Variants in GPI observed in about 807,000 individuals in gnomAD.
GPI encodes the protein D-hexose-6-phosphate anomerase.
In GPI, 56 loss-of-function variants were observed where a neutral mutation model predicts 75.8. That is an observed-to-expected ratio of 0.74 (90% CI 0.60 to 0.92). The LOEUF (loss-of-function observed/expected upper bound fraction) is 0.92, where lower values mean the gene tolerates loss of function less well. GPI is among the 40% of genes least tolerant of loss of function. The pLI, the probability that GPI is intolerant of heterozygous loss-of-function variation, is 0.00. For synonymous variants in GPI, 288 were observed against 285.4 expected (o/e 1.01, Z -0.09); for missense variants, 638 against 741.0 (o/e 0.86, Z 1.61).
intron 15 of GPI, 97 bp from the exon 16 acceptor site, chr19:34,399,459 G>C: frequency 6.4e-7 from 1 of 1,560,766 alleles, no homozygotes; most frequent in Non-Finnish European, 8.8e-7. Flanking sequence ...TGTCCTCACA[G>C]ACCTGCACGT....
chr19:34,390,747 A>G (rs891027402), intron 9 of GPI, among the ~76,000 whole-genome samples: 3 of 146,478 alleles, frequency 2.0e-5, no homozygotes, highest in African/African-American at 7.7e-5. Flanking sequence ...TTGAGGAGGT[A>G]GCATCTGGCA....
chr19:34,386,904 A>G (rs2074743573), intron 9 of GPI, among the ~76,000 whole-genome samples: 1 of 152,150 alleles, frequency 6.6e-6, no homozygotes, highest in South Asian at 2.1e-4. Flanking sequence ...GTAGGCAGAG[A>G]TGTTCCATTT....
chr19:34,378,945 C>G lies in GPI; in HGVS notation c.645C>G (p.Thr215=). 1 of 1,614,124 alleles carries G rather than the reference C, an allele frequency of 6.2e-7. No homozygotes were observed. The highest frequency in any genetic ancestry group is 8.5e-7 in the Non-Finnish European group (1 of 1,179,956). Residue 215 remains threonine, a synonymous_variant, in exon 7 of 18, where the codon ACC becomes ACG. Coordinates refer to ENST00000356487, the MANE Select transcript of GPI (RefSeq NM_000175.5). ...LFIIASKTFT[T]QETITNAETA... The stretch of plus-strand genomic sequence containing the variant: ...CTCTTTGGTTGCAGACCTTTACTAC[C>G]CAGGAGACCATCACGAATGCAGAGA...
At chr19:34,367,481 A>C (rs1393239288) in intron 3 of GPI, among the ~76,000 whole-genome samples, 1 of 152,220 alleles carries the variant, frequency 6.6e-6, no homozygotes, top group East Asian at 1.9e-4. Flanking sequence ...GAGAGGATGC[A>C]ATCAAGGAAG....
At chr19:34,399,029 A>C in intron 14 of GPI, 178 bp from the exon 15 acceptor site, 1 of 554,324 alleles carries the variant, frequency 1.8e-6, no homozygotes. Context: ...CTTAAAGAGC[A>C]GTTATCACTG....
intron 4 of GPI, among the ~76,000 whole-genome samples, chr19:34,372,479 C>T (rs1205161002): frequency 6.6e-6 from 1 of 151,958 alleles, no homozygotes; most frequent in East Asian, 1.9e-4. Context: ...CTGCCTTTAA[C>T]AAAAATTTAA....
chr19:34,363,513 T>G (rs1179896241), upstream of GPI: 1 of 151,538 alleles, frequency 6.6e-6, no homozygotes, highest in East Asian at 2.0e-4. Flanking sequence ...AAACCCTGAT[T>G]GGAGTGTTTC....
In GPI at chr19:34,399,858, G is replaced by T. The variant is rs376661944; in HGVS notation, c.1542-43G>T. 25 of 1,613,670 alleles carry T rather than the reference G, an allele frequency of 1.5e-5. 1 individual carries two copies. In the African/African-American group the frequency reaches 2.9e-4, roughly 19 times the overall value. ...CAGGGATTTCAGTAGCAACGTTAGA[G>T]CCTTCCTCATACCACTCTTCCCTTC... On this transcript the variant is annotated intron_variant, in intron 17 of 17. Coordinates refer to ENST00000356487, the MANE Select transcript of GPI (RefSeq NM_000175.5).
rs558738030 is a variant in GPI at position 34,400,219 on chromosome 19, A to G, written c.*183A>G. The G allele has an allele frequency of 8.1e-5, 55 of 677,806 alleles. No individual in the cohort carries two copies. Among genetic ancestry groups the G allele is most frequent in the Admixed American group, 3.1e-4 (14 of 45,458 alleles). 42.0% of individuals were successfully genotyped at this position (677,806 alleles called of 1,614,324 possible). On this transcript the variant is annotated 3_prime_UTR_variant, in exon 18 of 18. Transcript: ENST00000356487. ...CCTAACCCCCAGCCCCTCCATGTCT[A>G]TGCTCCCTCTGTGTTAGAATTGGCT... is the stretch of plus-strand genomic sequence containing the variant.
At chr19:34,368,918 C>A in intron 4 of GPI, 3 of 628,572 alleles carry the variant, frequency 4.8e-6, no homozygotes, top group Non-Finnish European at 8.5e-6. Flanking sequence ...CTGCTGCTGG[C>A]AGAAGTGGGG....
At chr19:34,365,653 CCCT>C (rs1339563617) in intron 1 of GPI, 7 of 629,380 alleles carry the variant, frequency 1.1e-5, no homozygotes, top group African/African-American at 7.2e-5. Context: ...GGGACATTTC[CCCT>C]CCTCCTCCCC....
At chr19:34,398,641 CCTT>C (rs2074978035) in intron 14 of GPI, 1 of 152,748 alleles carries the variant, frequency 6.5e-6, no homozygotes, top group African/African-American at 2.4e-5. Context: ...CGCCCAGCTA[CCTT>C]CTTAGGATCT....
At chr19:34,377,301 C>CAAAAAAAAA (rs1169701523) in intron 4 of GPI, among the ~76,000 whole-genome samples, 3 of 15,468 alleles carry the variant, frequency 1.9e-4, no homozygotes, top group African/African-American at 3.4e-4. Flanking sequence ...GGCTTCATCT[C>CAAAAAAAAA]AAAAAAAAAA....
chr19:34,370,739 A>G (rs2074439130), intron 4 of GPI, among the ~76,000 whole-genome samples: 1 of 151,382 alleles, frequency 6.6e-6, no homozygotes, highest in Non-Finnish European at 1.5e-5. Flanking sequence ...AAAAAAAACC[A>G]ACAAAAAAAC....
At position 34,399,197 on chromosome 19, in the gene GPI, C is replaced by T. The variant is rs768192558; in HGVS notation, c.1270-10C>T. On this transcript the variant is annotated splice_polypyrimidine_tract_variant and intron_variant, in intron 14 of 17. Transcript: ENST00000356487. ...GTGCTCTCAAGCATAACTGATGTCT[C>T]GCTCATCAGATCCTCCTGGCCAACT... The T allele has an allele frequency of 2.8e-5, 45 of 1,610,972 alleles. No individual in the cohort carries two copies. The highest frequency in any genetic ancestry group is 3.4e-5 in the Non-Finnish European group (40 of 1,178,952).
In GPI at chr19:34,366,224, C is replaced by T. The variant is rs768338472; in HGVS notation, c.123-121C>T. 40 of 757,180 alleles carry T rather than the reference C, an allele frequency of 5.3e-5. No homozygotes were observed. In the South Asian group the frequency reaches 5.4e-4, roughly 10 times the overall value. 46.9% of individuals were successfully genotyped at this position (757,180 alleles called of 1,614,324 possible). On this transcript the variant is annotated intron_variant, in intron 1 of 17. Coordinates refer to ENST00000356487, the MANE Select transcript of GPI (RefSeq NM_000175.5). ...AGACACCACCACTGTGCTGGGTGGC[C>T]GCGGCCCTTGTGGGGCGTGGGTCAG...
rs137853584 is a variant in GPI, at chr19:34,399,933, T to G, written c.1574T>G (p.Ile525Arg). ...VELGKQLAKK[I>R]EPELDGSAQV... ...CTGGGAAAGCAGCTGGCTAAGAAAA[T>G]AGAGCCTGAGCTTGATGGCAGTGCT... The change falls in exon 18 of 18, where the codon ATA becomes AGA. Residue 525 changes from isoleucine to arginine, a missense_variant. Ile to Arg is a moderately conservative substitution (Grantham distance 97, BLOSUM62 -3). Transcript: ENST00000356487. 6.2e-7 allele frequency: 1 copy of G among 1,613,802 alleles called. No individual in the cohort carries two copies. Among genetic ancestry groups the G allele is most frequent in the Non-Finnish European group, 8.5e-7 (1 of 1,179,946 alleles).
At position 34,374,130 on chromosome 19, in the gene GPI, C is replaced by CTT. The variant is rs749828679; in HGVS notation, c.403-3351_403-3350dup. Among the ~76,000 whole-genome samples the CTT allele has an allele frequency of 0.041, 4,642 of 113,856 alleles. 466 individuals carry two copies. In the East Asian group the frequency reaches 0.47, roughly 12 times the overall value. The allele number at this position is 113,856 out of a possible 152,430, so 74.7% of individuals were successfully genotyped here. A position where few individuals can be genotyped will look rare whatever the true frequency, so the allele number is the denominator to read the frequency against. On this transcript the variant is annotated intron_variant, in intron 4 of 17. Coordinates refer to ENST00000356487, the MANE Select transcript of GPI (RefSeq NM_000175.5). ...TACAGGTGCCCGCCACCATGCCCGC[C>CTT]TTTTTTTTTTTTTTTTTTTTTTTAA... is the stretch of plus-strand genomic sequence containing the variant.
Position 34,379,560 on chromosome 19 carries a change from A to G in GPI, c.748A>G (p.Thr250Ala). 6.2e-7 allele frequency: 1 copy of G among 1,613,266 alleles called. No individual in the cohort carries two copies. The highest frequency in any genetic ancestry group is 8.5e-7 in the Non-Finnish European group (1 of 1,179,230). Residue 250 changes from threonine (T) to alanine (A), a missense_variant and splice_region_variant, in exon 8 of 18, where the codon ACA becomes GCA. Coordinates refer to ENST00000356487, the MANE Select transcript of GPI (RefSeq NM_000175.5). ...GCACTTTGTTGCCCTGTCTACTAAC[A>G]CAGTAAGTGCCCCCGTGGTCCCCTG... is the stretch of plus-strand genomic sequence containing the variant. ...AKHFVALSTN[T>A]TKVKEFGIDP...
Sources: gnomAD v4.1 joint callset for allele counts (sites outside exome capture counted in the v4.1 genomes callset) on GRCh38, gnomAD v4.1.1 for gene constraint, MANE v1.5 for transcripts, NCBI Gene and HGNC (gene_info 2026-07-23, HGNC 2026-07-21) for gene names.